EPHA3: variants seen among roughly 807,000 people sequenced by gnomAD.
EPHA3 encodes EPH receptor A3.
In EPHA3, 42 loss-of-function variants were observed where a neutral mutation model predicts 107.1. The observed-to-expected ratio is 0.39, with a 90% CI of 0.31 to 0.51. The LOEUF (loss-of-function observed/expected upper bound fraction) is 0.51, where lower values mean the gene tolerates loss of function less well. EPHA3 is among the 20% of genes least tolerant of loss of function. The pLI is 0.78. For missense variants in EPHA3, 1,183 were observed against 1,211.2 expected, an observed-to-expected ratio of 0.98 and a Z score of 0.35; for synonymous variants, 461 against 424.8, an observed-to-expected ratio of 1.09 and a Z score of -1.05.
At chr3:89,154,268 TTG>T (rs201419941) in intron 2 of EPHA3, among the ~76,000 whole-genome samples, 6 of 150,970 alleles carry the variant, frequency 4.0e-5, no homozygotes, top group Non-Finnish European at 7.4e-5. Context: ...GGGTTTTTGT[TTG>T]TTTTTTTTTT....
rs1576166468 is a variant in EPHA3 at position 89,125,277 on chromosome 3, C to A, written c.89-1932C>A. 1.1e-4 allele frequency among the ~76,000 whole-genome samples: 17 copies of A among 151,880 alleles called. No homozygotes were observed. The South Asian group carries it at 3.3e-3, about 30-fold the overall frequency. ...ATGTATACTGGCAAGCTGATTTCTA[C>A]TATGCAAATCCCATATAAAGCTCAG... On this transcript the variant is annotated intron_variant, in intron 1 of 16. Coordinates refer to ENST00000336596, the MANE Select transcript of EPHA3 (RefSeq NM_005233.6).
chr3:89,336,848 G>T (rs539002796), intron 3 of EPHA3, among the ~76,000 whole-genome samples: 2 of 152,040 alleles, frequency 1.3e-5, no homozygotes, highest in Admixed American at 1.3e-4. Flanking sequence ...AACTCTTAAG[G>T]CCAGGAATTC....
intron 3 of EPHA3, among the ~76,000 whole-genome samples, chr3:89,248,522 T>C (rs1046909492): frequency 1.3e-5 from 2 of 152,224 alleles, no homozygotes; most frequent in Non-Finnish European, 2.9e-5. Context: ...CTTTAAAATA[T>C]CTTTAGCAGC....
At chr3:89,204,632 G>GTGTGTGTT (rs745394462) in intron 2 of EPHA3, among the ~76,000 whole-genome samples, 1 of 151,890 alleles carries the variant, frequency 6.6e-6, no homozygotes, top group Non-Finnish European at 1.5e-5. Context: ...GTGTGTGTGT[G>GTGTGTGTT]TGTGTACTTT....
intron 2 of EPHA3, among the ~76,000 whole-genome samples, chr3:89,130,495 G>A (rs1704182873): frequency 6.6e-6 from 1 of 152,138 alleles, no homozygotes; most frequent in African/African-American, 2.4e-5. Context: ...GGAGAAAAAT[G>A]GTGAAGAGTA....
intron 13 of EPHA3, among the ~76,000 whole-genome samples, chr3:89,442,929 C>T (rs1233465711): frequency 6.6e-6 from 1 of 152,166 alleles, no homozygotes; most frequent in African/African-American, 2.4e-5. Flanking sequence ...CACCCTCCAC[C>T]CCAGGCTCTA....
intron 16 of EPHA3, among the ~76,000 whole-genome samples, chr3:89,474,968 G>T (rs140188653): frequency 6.6e-6 from 1 of 152,098 alleles, no homozygotes; most frequent in Non-Finnish European, 1.5e-5. Context: ...AGGTGGTATG[G>T]ATATGTCCAT....
At chr3:89,131,197 T>C (rs1704201579) in intron 2 of EPHA3, among the ~76,000 whole-genome samples, 1 of 152,218 alleles carries the variant, frequency 6.6e-6, no homozygotes, top group South Asian at 2.1e-4. Context: ...TCTGGCATTA[T>C]ATTTGGTGAC....
At chr3:89,134,153 G>A (rs1318575728) in intron 2 of EPHA3, among the ~76,000 whole-genome samples, 3 of 151,064 alleles carry the variant, frequency 2.0e-5, no homozygotes, top group Non-Finnish European at 4.4e-5. Flanking sequence ...GCAACCTCTT[G>A]TGCAGTTGTA....
In EPHA3 at chr3:89,413,238, C is replaced by CAT; in HGVS notation, c.1863_1864dup (p.Ser622TyrfsTer20). On this transcript the variant is annotated frameshift_variant, in exon 10 of 17. Transcript: ENST00000336596. LOFTEE classifies it high-confidence loss of function. ...TTGCCAAGGAATTGGATGCCACCAA[C>CAT]ATATCCATTGATAAAGTTGTTGGAG... The CAT allele has an allele frequency of 6.2e-7, 1 of 1,611,756 alleles. No homozygotes were observed.
rs145381109 is a variant in EPHA3 at position 89,425,864 on chromosome 3, G to T, written c.2075-3242G>T. On this transcript the variant is annotated intron_variant, in intron 11 of 16. Coordinates refer to ENST00000336596, the MANE Select transcript of EPHA3 (RefSeq NM_005233.6). ...CATATTTCTTCTGTCATCAAGCGGCGATTCAATGACTAGTAATAGCTCCGA... is the reference window on the plus strand; with the variant it reads ...CATATTTCTTCTGTCATCAAGCGGCTATTCAATGACTAGTAATAGCTCCGA... Among the ~76,000 whole-genome samples the T allele has an allele frequency of 1.5e-4, 22 of 151,638 alleles. No homozygotes were observed. In the East Asian group the frequency reaches 3.5e-3, roughly 24 times the overall value.
intron 3 of EPHA3, among the ~76,000 whole-genome samples, chr3:89,327,960 T>C (rs1707204459): frequency 1.3e-5 from 2 of 151,954 alleles, no homozygotes; most frequent in Non-Finnish European, 2.9e-5. Flanking sequence ...AAGCTGCGCA[T>C]GGTGGCTGTC....
In EPHA3 at chr3:89,480,823, C is replaced by A; in HGVS notation, c.*1321C>A. On this transcript the variant is annotated 3_prime_UTR_variant, in exon 17 of 17. Coordinates refer to ENST00000336596, the MANE Select transcript of EPHA3 (RefSeq NM_005233.6). ...GTCTTCCACTTCAATGCACATGGTG[C>A]AGTTTTGGTGTGTAACTTAGAAGGA... The A allele has an allele frequency of 4.3e-6, 1 of 232,348 alleles. No individual in the cohort carries two copies. The highest frequency in any genetic ancestry group is 8.5e-6 in the Non-Finnish European group (1 of 117,210). The allele number at this position is 232,348 out of a possible 1,614,324, so 14.4% of individuals were successfully genotyped here. A position where few individuals can be genotyped will look rare whatever the true frequency, so the allele number is the denominator to read the frequency against.
At chr3:89,136,330 C>CTTTTTTGTTTTTTTTTTTTTT (rs1704310287) in intron 2 of EPHA3, among the ~76,000 whole-genome samples, 1 of 23,370 alleles carries the variant, frequency 4.3e-5, no homozygotes, top group Non-Finnish European at 7.8e-5. Flanking sequence ...ATCTTACAGG[C>CTTTTTTGTTTTTTTTTTTTTT]TTTTTTTTTT....
intron 3 of EPHA3, among the ~76,000 whole-genome samples, chr3:89,338,944 G>T (rs1012713317): frequency 2.0e-5 from 3 of 152,118 alleles, no homozygotes; most frequent in Non-Finnish European, 4.4e-5. Flanking sequence ...TATCTTGAAG[G>T]TAGCTACAGT....
chr3:89,203,080 C>A lies in EPHA3; in HGVS notation c.154-6780C>A, dbSNP rs917940268. On this transcript the variant is annotated intron_variant, in intron 2 of 16. Coordinates refer to ENST00000336596, the MANE Select transcript of EPHA3 (RefSeq NM_005233.6). Reference sequence around the variant, plus strand: ...GACAGGGGAAGGACGACATTTTAGACGCAGTTTCTAAGGAGACTCAGAATT... The same window carrying A: ...GACAGGGGAAGGACGACATTTTAGAAGCAGTTTCTAAGGAGACTCAGAATT... Among the ~76,000 whole-genome samples, 3 of 152,050 alleles carry A rather than the reference C, an allele frequency of 2.0e-5. No homozygotes were observed. In the East Asian group the frequency reaches 5.8e-4, roughly 29 times the overall value.
At chr3:89,171,710 G>GA (rs889117961) in intron 2 of EPHA3, among the ~76,000 whole-genome samples, 9 of 151,802 alleles carry the variant, frequency 5.9e-5, no homozygotes, top group South Asian at 2.1e-4. Context: ...TAATCACGGG[G>GA]AAAAAAAATA....
At chr3:89,425,522 A>T (rs1456275380) in intron 11 of EPHA3, among the ~76,000 whole-genome samples, 1 of 151,264 alleles carries the variant, frequency 6.6e-6, no homozygotes, top group African/African-American at 2.4e-5. Context: ...TTTGAAAATA[A>T]GACATAGAGT....
chr3:89,439,784 T>G (rs938681755), intron 13 of EPHA3, among the ~76,000 whole-genome samples: 1 of 151,580 alleles, frequency 6.6e-6, no homozygotes, highest in African/African-American at 2.4e-5. Flanking sequence ...TATATAGACT[T>G]ACTCCCCGAT....
Sources: allele counts gnomAD v4.1 joint callset (sites outside exome capture counted in the v4.1 genomes callset), GRCh38; gene constraint gnomAD v4.1.1; transcripts MANE v1.5; gene names NCBI Gene and HGNC (gene_info 2026-07-23, HGNC 2026-07-21).